Variants in FGD4 observed in about 807,000 individuals in gnomAD.
The protein encoded by FGD4 is FYVE, RhoGEF and PH domain-containing protein 4.
In FGD4, 42 loss-of-function variants were observed where a neutral mutation model predicts 102.0. That is an observed-to-expected ratio of 0.41 (90% confidence interval 0.32 to 0.53). The LOEUF is 0.53. FGD4 is among the 20% of genes least tolerant of loss of function. The probability of loss-of-function intolerance (pLI) is 0.21; values close to 1 mark genes in which losing one functional copy is unlikely to be tolerated. For missense variants in FGD4, 902 were observed against 1,078.2 expected (o/e 0.84, Z 2.29); for synonymous variants, 380 against 375.7 (o/e 1.01, Z -0.13).
intron 1 of FGD4, among the ~76,000 whole-genome samples, chr12:32,542,415 T>TTG (rs1476807152): frequency 6.6e-6 from 1 of 152,226 alleles, no homozygotes; most frequent in Non-Finnish European, 1.5e-5. Flanking sequence ...AGAGAAACAT[T>TTG]TGTTCACCCT....
At chr12:32,601,757 T>G (rs978334016) in intron 6 of FGD4, among the ~76,000 whole-genome samples, 2 of 152,180 alleles carry the variant, frequency 1.3e-5, no homozygotes, top group Admixed American at 6.5e-5. Context: ...AAGCACAGGA[T>G]GTATGTAGAA....
intron 7 of FGD4, among the ~76,000 whole-genome samples, chr12:32,603,744 C>T (rs1948591983): frequency 1.3e-5 from 2 of 151,826 alleles, no homozygotes; most frequent in African/African-American, 4.8e-5. Flanking sequence ...CTCTTGTCAC[C>T]CAGGCTAGAG....
intron 16 of FGD4, among the ~76,000 whole-genome samples, chr12:32,639,222 G>C (rs113165749): frequency 0.09 from 13,673 of 152,184 alleles, 750 homozygotes; most frequent in Middle Eastern, 0.18. Context: ...ATAGTGCAAT[G>C]GTGCAATCTT....
chr12:32,526,808 T>A (rs1941279111), intron 1 of FGD4, among the ~76,000 whole-genome samples: 2 of 152,174 alleles, frequency 1.3e-5, no homozygotes, highest in African/African-American at 4.8e-5. Flanking sequence ...AACGAACAAC[T>A]CCAGATGCCC....
chr12:32,524,871 G>A (rs1482645249), intron 1 of FGD4, among the ~76,000 whole-genome samples: 1 of 151,662 alleles, frequency 6.6e-6, no homozygotes, highest in African/African-American at 2.4e-5. Flanking sequence ...TTTTAAAAAT[G>A]ACTAATAAAC....
At chr12:32,637,051 T>C (rs796801268) in intron 15 of FGD4, among the ~76,000 whole-genome samples, 1,220 of 101,178 alleles carry the variant, frequency 0.012, 20 homozygotes, top group African/African-American at 0.043. Flanking sequence ...TTTTCTTCTT[T>C]TTTTTTTTTT....
rs367602559 is a variant in FGD4, at chr12:32,510,009, C to T, written c.167-54128C>T. On this transcript the variant is annotated intron_variant, in intron 1 of 16. Coordinates refer to ENST00000534526, the MANE Select transcript of FGD4 (RefSeq NM_001370298.3). Reference sequence around the variant, plus strand: ...AAGCTTTGGTCATTGATTACCTTTGCTAGTCAGCTGTGGCCATGGAACACA... The same window carrying T: ...AAGCTTTGGTCATTGATTACCTTTGTTAGTCAGCTGTGGCCATGGAACACA... Among the ~76,000 whole-genome samples, 3 of 152,344 alleles carry T rather than the reference C, an allele frequency of 2.0e-5. No individual in the cohort carries two copies. The South Asian group carries it at 6.2e-4, about 32-fold the overall frequency.
At chr12:32,568,010 G>A (rs949074371) in intron 2 of FGD4, among the ~76,000 whole-genome samples, 46 of 152,176 alleles carry the variant, frequency 3.0e-4, no homozygotes, top group Admixed American at 1.8e-3. Flanking sequence ...TTTAAAAGGG[G>A]AAAGTATTGC....
chr12:32,465,000 T>G (rs981508350), intron 1 of FGD4, among the ~76,000 whole-genome samples: 5 of 152,156 alleles, frequency 3.3e-5, no homozygotes, highest in African/African-American at 1.2e-4. Flanking sequence ...TGTGATGTAA[T>G]AGGGATTAAA....
At chr12:32,465,759 A>AGT (rs373471082) in intron 1 of FGD4, among the ~76,000 whole-genome samples, 71 of 151,394 alleles carry the variant, frequency 4.7e-4, no homozygotes, top group South Asian at 4.2e-3. Flanking sequence ...TTAGCAACAA[A>AGT]GTGTGTGTGT....
intron 7 of FGD4, among the ~76,000 whole-genome samples, chr12:32,604,993 C>T (rs1412775236): frequency 7.7e-6 from 1 of 130,124 alleles, no homozygotes; most frequent in African/African-American, 3.1e-5. Context: ...GGCTGGAGTG[C>T]AGTGGTATGA....
intron 1 of FGD4, among the ~76,000 whole-genome samples, chr12:32,473,974 G>A (rs1305427884): frequency 2.0e-5 from 3 of 151,964 alleles, no homozygotes; most frequent in Non-Finnish European, 4.4e-5. Flanking sequence ...TGTAGTCCCA[G>A]CTACTCGGGA....
intron 14 of FGD4, among the ~76,000 whole-genome samples, chr12:32,627,311 C>T (rs184775567): frequency 1.5e-4 from 23 of 152,102 alleles, no homozygotes; most frequent in Non-Finnish European, 2.9e-4. Context: ...TGCACCACCA[C>T]GCCTGGCTAA....
chr12:32,623,382 C>G (rs917366123), intron 11 of FGD4, among the ~76,000 whole-genome samples: 4 of 151,938 alleles, frequency 2.6e-5, no homozygotes, highest in African/African-American at 9.7e-5. Flanking sequence ...TTTTGAGAAG[C>G]AAGATTGAAG....
intron 1 of FGD4, among the ~76,000 whole-genome samples, chr12:32,437,336 G>T (rs1482069510): frequency 6.6e-6 from 1 of 152,174 alleles, no homozygotes; most frequent in Admixed American, 6.5e-5. Context: ...TCTTGAAGAA[G>T]CTGGGACACC....
chr12:32,458,413 A>G (rs1005804908), intron 1 of FGD4, among the ~76,000 whole-genome samples: 8 of 151,864 alleles, frequency 5.3e-5, no homozygotes, highest in African/African-American at 1.9e-4. Context: ...GGCTGAAGTG[A>G]TCCTCCTGCC....
intron 2 of FGD4, among the ~76,000 whole-genome samples, chr12:32,573,389 CT>C (rs1213006436): frequency 6.6e-6 from 1 of 152,202 alleles, no homozygotes; most frequent in Non-Finnish European, 1.5e-5. Context: ...GCCGCCGCCC[CT>C]GGCCTGGTAT....
At chr12:32,595,418 C>T (rs975364937) in intron 4 of FGD4, among the ~76,000 whole-genome samples, 2 of 152,140 alleles carry the variant, frequency 1.3e-5, no homozygotes, top group South Asian at 2.1e-4. Flanking sequence ...GGAATCGTTG[C>T]TCATAGCACT....
At chr12:32,573,375 G>A (rs1232344044) in intron 2 of FGD4, among the ~76,000 whole-genome samples, 2 of 152,178 alleles carry the variant, frequency 1.3e-5, no homozygotes, top group African/African-American at 4.8e-5. Context: ...GATTACAGGC[G>A]TGAGCCGCCG....
Sources: allele counts gnomAD v4.1 joint callset (sites outside exome capture counted in the v4.1 genomes callset), GRCh38; gene constraint gnomAD v4.1.1; transcripts MANE v1.5; gene names NCBI Gene and HGNC (gene_info 2026-07-23, HGNC 2026-07-21).